ZNF385B: variants seen among roughly 807,000 people sequenced by gnomAD.
ZNF385B encodes zinc finger protein 385B, also known as zinc finger protein 533.
In ZNF385B, 23 loss-of-function variants were observed where a neutral mutation model predicts 39.2. The observed-to-expected ratio is 0.59, with a 90% confidence interval of 0.42 to 0.83. The LOEUF is 0.83. ZNF385B is among the 40% of genes least tolerant of loss of function. The pLI is 0.00. For synonymous variants in ZNF385B, 205 were observed against 222.6 expected (o/e 0.92, Z 0.70); for missense variants, 552 against 598.9 (o/e 0.92, Z 0.82).
chr2:179,600,317 AT>A (rs567568970), intron 3 of ZNF385B, among the ~76,000 whole-genome samples: 192 of 152,362 alleles, frequency 1.3e-3, no homozygotes, highest in Non-Finnish European at 1.7e-3. Flanking sequence ...CTTAAAAACA[AT>A]TGACATTTCT....
chr2:179,708,872 C>G lies in ZNF385B; in HGVS notation c.298+60631G>C, dbSNP rs115311126. Among the ~76,000 whole-genome samples, 1,084 of 152,272 alleles carry G rather than the reference C, an allele frequency of 7.1e-3. 15 individuals carry two copies. Among genetic ancestry groups the G allele is most frequent in the African/African-American group, 0.025 (1,030 of 41,536 alleles). On this transcript the variant is annotated intron_variant, in intron 3 of 9. Coordinates refer to ENST00000410066, the MANE Select transcript of ZNF385B (RefSeq NM_152520.6). ...GGGCCAGAACATACCCCAAACAAAA[C>G]AGCCCTGTATGGCCCCTGTGGAAGC...
intron 3 of ZNF385B, among the ~76,000 whole-genome samples, chr2:179,763,448 C>T (rs928787453): frequency 8.5e-5 from 13 of 152,106 alleles, no homozygotes; most frequent in Admixed American, 7.9e-4. Context: ...AAAGAATAAG[C>T]TTTTTGTTTT....
chr2:179,659,910 T>C (rs934765837), intron 3 of ZNF385B, among the ~76,000 whole-genome samples: 6 of 152,200 alleles, frequency 3.9e-5, no homozygotes, highest in Non-Finnish European at 7.4e-5. Flanking sequence ...TATTCTAAAT[T>C]GCCAAACCTT....
At chr2:179,634,268 C>T (rs572976584) in intron 3 of ZNF385B, among the ~76,000 whole-genome samples, 1 of 152,228 alleles carries the variant, frequency 6.6e-6, no homozygotes, top group Admixed American at 6.5e-5. Flanking sequence ...GATCAGGCAA[C>T]CTACAGAATG....
chr2:179,574,446 G>A (rs1238735236), intron 3 of ZNF385B, among the ~76,000 whole-genome samples: 1 of 152,176 alleles, frequency 6.6e-6, no homozygotes. Flanking sequence ...GTTTGGCTCT[G>A]AGCAAGATAT....
At chr2:179,692,214 G>C (rs1226776077) in intron 3 of ZNF385B, among the ~76,000 whole-genome samples, 1 of 152,122 alleles carries the variant, frequency 6.6e-6, no homozygotes, top group Non-Finnish European at 1.5e-5. Context: ...TGCTGAAGGG[G>C]TGGGTCACTG....
chr2:179,571,859 G>A (rs1335612201), intron 3 of ZNF385B, among the ~76,000 whole-genome samples: 4 of 151,898 alleles, frequency 2.6e-5, no homozygotes, highest in East Asian at 1.9e-4. Flanking sequence ...CAAAGGGATC[G>A]GCCCACATTG....
chr2:179,820,280 A>G (rs1199384641), intron 1 of ZNF385B, among the ~76,000 whole-genome samples: 1 of 152,100 alleles, frequency 6.6e-6, no homozygotes, highest in Non-Finnish European at 1.5e-5. Context: ...TTTTAAGTAT[A>G]TTTGCATAAA....
intron 3 of ZNF385B, among the ~76,000 whole-genome samples, chr2:179,646,514 A>G (rs1263314780): frequency 6.6e-6 from 1 of 152,232 alleles, no homozygotes; most frequent in East Asian, 1.9e-4. Flanking sequence ...GGAGGTGCTC[A>G]TTAATATCCA....
At chr2:179,811,532 C>T (rs1446241054) in intron 1 of ZNF385B, among the ~76,000 whole-genome samples, 1 of 151,942 alleles carries the variant, frequency 6.6e-6, no homozygotes, top group Non-Finnish European at 1.5e-5. Context: ...ACAAAGTTGA[C>T]AAAAATAAGC....
At chr2:179,447,781 C>T (rs2049651275) in intron 6 of ZNF385B, among the ~76,000 whole-genome samples, 1 of 152,052 alleles carries the variant, frequency 6.6e-6, no homozygotes, top group Non-Finnish European at 1.5e-5. Flanking sequence ...ATACCATTGG[C>T]CTAGAAGACT....
chr2:179,634,285 A>C (rs959034553), intron 3 of ZNF385B, among the ~76,000 whole-genome samples: 3 of 152,176 alleles, frequency 2.0e-5, no homozygotes, highest in Non-Finnish European at 4.4e-5. Flanking sequence ...AATGGGAGAA[A>C]ATTTTTACCA....
intron 5 of ZNF385B, among the ~76,000 whole-genome samples, chr2:179,517,271 A>C (rs950952740): frequency 2.0e-5 from 3 of 151,950 alleles, no homozygotes; most frequent in Non-Finnish European, 4.4e-5. Flanking sequence ...GCCATTTTCC[A>C]TAATAAAAAA....
chr2:179,748,741 T>C (rs1041234466), intron 3 of ZNF385B, among the ~76,000 whole-genome samples: 7 of 152,160 alleles, frequency 4.6e-5, no homozygotes, highest in African/African-American at 9.6e-5. Flanking sequence ...GTCTTTCTTA[T>C]GACTACACTT....
intron 4 of ZNF385B, among the ~76,000 whole-genome samples, chr2:179,528,180 G>A (rs910093568): frequency 1.3e-5 from 2 of 152,204 alleles, no homozygotes; most frequent in Non-Finnish European, 2.9e-5. Context: ...ACGCTCCTCA[G>A]CTTCCAACAC....
chr2:179,694,298 A>G (rs1035658879), intron 3 of ZNF385B, among the ~76,000 whole-genome samples: 37 of 151,988 alleles, frequency 2.4e-4, no homozygotes, highest in African/African-American at 7.5e-4. Flanking sequence ...TAGAACTGGT[A>G]GAGAGATGAC....
rs184335118 is a variant in ZNF385B at position 179,770,670 on chromosome 2, C to T, written c.-152G>A. ...TATTTGATGGAGTTGAAATGTAGAA[C>T]ATCTGAAATACAAAATAATATAAAA... On this transcript the variant is annotated splice_region_variant and 5_prime_UTR_variant, in exon 2 of 10. It removes an upstream start codon present in the reference 5' UTR. Transcript: ENST00000410066. The T allele has an allele frequency of 6.6e-6, 1 of 152,160 alleles. No homozygotes were observed. The highest frequency in any genetic ancestry group is 1.9e-4 in the East Asian group (1 of 5,178). The allele number at this position is 152,160 out of a possible 1,614,324, so 9.4% of individuals were successfully genotyped here. A position where few individuals can be genotyped will look rare whatever the true frequency, so the allele number is the denominator to read the frequency against.
chr2:179,576,262 A>T, intron 3 of ZNF385B: 3 of 831,808 alleles, frequency 3.6e-6, no homozygotes, highest in Non-Finnish European at 4.4e-6. Context: ...TGCCAGATCA[A>T]CGTATCTAAA....
intron 3 of ZNF385B, among the ~76,000 whole-genome samples, chr2:179,737,270 T>C (rs1042260411): frequency 2.6e-5 from 4 of 152,184 alleles, no homozygotes; most frequent in African/African-American, 9.7e-5. Flanking sequence ...TATTATCAAG[T>C]ATAACGAGAA....
Sources: allele counts gnomAD v4.1 joint callset (sites outside exome capture counted in the v4.1 genomes callset), GRCh38; gene constraint gnomAD v4.1.1; transcripts MANE v1.5; gene names NCBI Gene and HGNC (gene_info 2026-07-23, HGNC 2026-07-21).